The following DPYD variants were observed in gnomAD, a reference collection of about 807,000 sequenced individuals.
DPYD encodes dihydropyrimidine dehydrogenase [NADP(+)].
In DPYD, 109 loss-of-function variants were observed where a neutral mutation model predicts 116.2. That is an observed-to-expected ratio of 0.94 (90% CI 0.80 to 1.10). The LOEUF (loss-of-function observed/expected upper bound fraction) is 1.10, where lower values mean the gene tolerates loss of function less well. Among genes scored for constraint, DPYD ranks in the 50% least tolerant of loss-of-function variants. The pLI is 0.00. For missense variants in DPYD, 1,302 were observed against 1,254.5 expected, an observed-to-expected ratio of 1.04 and a Z score of -0.57; for synonymous variants, 440 against 432.0, an observed-to-expected ratio of 1.02 and a Z score of -0.23.
At chr1:97,497,157 T>G (rs1679312671) in intron 13 of DPYD, among the ~76,000 whole-genome samples, 2 of 151,854 alleles carry the variant, frequency 1.3e-5, no homozygotes, top group African/African-American at 4.8e-5. Flanking sequence ...ACTCCTAGAG[T>G]AATGATCTTT....
intron 2 of DPYD, among the ~76,000 whole-genome samples, chr1:97,864,129 T>C (rs541631934): frequency 1.1e-4 from 16 of 152,172 alleles, no homozygotes; most frequent in Admixed American, 1.0e-3. Context: ...TGTCTGTCTT[T>C]CCGTGACTAG....
intron 13 of DPYD, among the ~76,000 whole-genome samples, chr1:97,462,594 C>T (rs545099283): frequency 6.6e-6 from 1 of 152,290 alleles, no homozygotes; most frequent in African/African-American, 2.4e-5. Context: ...AACATTAAAA[C>T]AGAGATCTTA....
intron 8 of DPYD, among the ~76,000 whole-genome samples, chr1:97,649,640 A>G (rs566677161): frequency 6.6e-6 from 1 of 152,260 alleles, no homozygotes; most frequent in East Asian, 1.9e-4. Context: ...TGGAAAACAT[A>G]AAATCTTACT....
intron 1 of DPYD, among the ~76,000 whole-genome samples, chr1:97,920,149 T>G (rs1216318497): frequency 6.6e-6 from 1 of 152,186 alleles, no homozygotes; most frequent in African/African-American, 2.4e-5. Flanking sequence ...AATTAAATCC[T>G]TTTCATCGCA....
chr1:97,382,320 G>A (rs937998612), intron 15 of DPYD, 73 bp downstream of exon 15: 4 of 843,186 alleles, frequency 4.7e-6, no homozygotes, highest in Non-Finnish European at 3.6e-6. Flanking sequence ...ATTTCTCATG[G>A]CAGCTCTTTA....
intron 3 of DPYD, among the ~76,000 whole-genome samples, chr1:97,809,098 T>C (rs1298433514): frequency 6.6e-6 from 1 of 152,172 alleles, no homozygotes; most frequent in African/African-American, 2.4e-5. Flanking sequence ...TGACTTTAAG[T>C]GCAGTTTGAA....
At chr1:97,227,419 C>G (rs1194349241) in intron 19 of DPYD, among the ~76,000 whole-genome samples, 1 of 150,420 alleles carries the variant, frequency 6.6e-6, no homozygotes, top group African/African-American at 2.4e-5. Flanking sequence ...AATCTGAAAC[C>G]CTAAGAGACA....
intron 16 of DPYD, among the ~76,000 whole-genome samples, chr1:97,311,122 T>G (rs1667489536): frequency 6.6e-6 from 1 of 151,620 alleles, no homozygotes; most frequent in Non-Finnish European, 1.5e-5. Flanking sequence ...TAAGAAAATT[T>G]TTGAGGGTAA....
chr1:97,567,300 A>T lies in DPYD; in HGVS notation c.1339+6460T>A, dbSNP rs954185808. 7.2e-5 allele frequency among the ~76,000 whole-genome samples: 11 copies of T among 151,934 alleles called. No individual in the cohort carries two copies. In the East Asian group the frequency reaches 1.9e-3, roughly 27 times the overall value. On this transcript the variant is annotated intron_variant, in intron 11 of 22. Transcript: ENST00000370192. ...TTTCTGAGGGCCTTCTAATAAGAGG[A>T]ACTGATGAGTGATTTAAAAACCTTT... is the stretch of plus-strand genomic sequence containing the variant.
At chr1:97,772,330 T>A (rs1356180567) in intron 3 of DPYD, among the ~76,000 whole-genome samples, 1 of 152,158 alleles carries the variant, frequency 6.6e-6, no homozygotes, top group Admixed American at 6.5e-5. Context: ...AACTCAGAAA[T>A]TGTACTTCTT....
intron 14 of DPYD, among the ~76,000 whole-genome samples, chr1:97,441,083 T>C (rs1231385936): frequency 6.6e-6 from 1 of 152,166 alleles, no homozygotes; most frequent in African/African-American, 2.4e-5. Context: ...GTACAGAACA[T>C]GTCTTTATTC....
At chr1:97,333,750 G>C (rs546133984) in intron 16 of DPYD, among the ~76,000 whole-genome samples, 2 of 151,758 alleles carry the variant, frequency 1.3e-5, no homozygotes, top group Admixed American at 6.6e-5. Flanking sequence ...TTGATCTCCT[G>C]ACCTCGTGAT....
intron 13 of DPYD, among the ~76,000 whole-genome samples, chr1:97,457,753 G>A (rs1003413513): frequency 6.6e-6 from 1 of 152,160 alleles, no homozygotes; most frequent in East Asian, 1.9e-4. Flanking sequence ...AAATAGAGTT[G>A]GGTCAGATTG....
chr1:97,893,137 T>C (rs1672858599), intron 1 of DPYD, among the ~76,000 whole-genome samples: 1 of 151,688 alleles, frequency 6.6e-6, no homozygotes, highest in Admixed American at 6.6e-5. Context: ...CATATTCCTA[T>C]ATTGTCAATT....
chr1:97,095,657 C>T (rs1053616695), intron 21 of DPYD, among the ~76,000 whole-genome samples: 5 of 151,758 alleles, frequency 3.3e-5, no homozygotes, highest in Admixed American at 2.6e-4. Flanking sequence ...TATATACACA[C>T]ACACAGTTTT....
At chr1:97,657,090 C>T (rs540332702) in intron 8 of DPYD, among the ~76,000 whole-genome samples, 1 of 151,800 alleles carries the variant, frequency 6.6e-6, no homozygotes, top group African/African-American at 2.4e-5. Context: ...GCCTTAGCCT[C>T]CACAGTAGCT....
chr1:97,679,142 A>G lies in DPYD; in HGVS notation c.803T>C (p.Leu268Pro). The G allele has an allele frequency of 6.3e-7, 1 of 1,592,582 alleles. No homozygotes were observed. The highest frequency in any genetic ancestry group is 8.6e-7 in the Non-Finnish European group (1 of 1,167,472). ...GTAGCCTTTTTCTTTCAAAGTGCTA[A>G]GAGTCATTTCATTCACTGAAAGGCT... ...GKSLSVNEMT[L>P]STLKEKGYKA... Residue 268 changes from leucine (L) to proline (P), a missense_variant, in exon 8 of 23, where the codon CTT (leucine) becomes CCT (proline). Transcript: ENST00000370192.
chr1:97,877,105 G>C (rs946404111), intron 2 of DPYD, among the ~76,000 whole-genome samples: 1 of 151,998 alleles, frequency 6.6e-6, no homozygotes, highest in Non-Finnish European at 1.5e-5. Context: ...TGGGAGAGTA[G>C]ATTGAACCAT....
At chr1:97,647,254 T>G (rs1192917300) in intron 8 of DPYD, among the ~76,000 whole-genome samples, 1 of 152,030 alleles carries the variant, frequency 6.6e-6, no homozygotes, top group Non-Finnish European at 1.5e-5. Flanking sequence ...CAATAAAAAT[T>G]TAAATACACA....
Sources: allele counts gnomAD v4.1 joint callset (sites outside exome capture counted in the v4.1 genomes callset), GRCh38; gene constraint gnomAD v4.1.1; transcripts MANE v1.5; gene names NCBI Gene and HGNC (gene_info 2026-07-23, HGNC 2026-07-21).